SLC34A1: variants seen among roughly 807,000 people sequenced by gnomAD.
The protein encoded by SLC34A1 is sodium-dependent phosphate transport protein 2A.
A neutral mutation model predicts 51.4 loss-of-function variants in SLC34A1; 57 were observed. The ratio of observed to expected loss-of-function variants is 1.11; its 90% CI spans 0.90 to 1.38. SLC34A1 has a LOEUF of 1.38. Ranked by LOEUF, SLC34A1 falls within the 40% of genes most tolerant of loss-of-function variation. The probability of loss-of-function intolerance (pLI) is 0.00; values close to 1 mark genes in which losing one functional copy is unlikely to be tolerated. For missense variants in SLC34A1, 796 were observed against 835.6 expected (o/e 0.95, Z 0.58); for synonymous variants, 368 against 358.0 (o/e 1.03, Z -0.32).
intron 9 of SLC34A1, 27 bp downstream of exon 9, chr5:177,393,790 C>G: frequency 1.2e-6 from 2 of 1,611,832 alleles, no homozygotes; most frequent in Non-Finnish European, 1.7e-6. Context: ...TGGGAGGTGT[C>G]CTGCATGGCA....
At chr5:177,393,802 G>A in intron 9 of SLC34A1, 39 bp downstream of exon 9, 1 of 1,605,542 alleles carries the variant, frequency 6.2e-7, no homozygotes, top group Non-Finnish European at 8.5e-7. Context: ...TGCATGGCAG[G>A]GGCAGAGCCT....
At chr5:177,389,771 G>C (rs1273051903) in intron 8 of SLC34A1, 1 of 1,536,808 alleles carries the variant, frequency 6.5e-7, no homozygotes, top group Admixed American at 2.0e-5. Context: ...ATCTCAACCA[G>C]CAGCCTCCAC....
rs369749329 is a variant in SLC34A1 at position 177,397,010 on chromosome 5, C to T, written c.1352C>T (p.Thr451Ile). 63 of 1,614,022 alleles carry T rather than the reference C, an allele frequency of 3.9e-5. No homozygotes were observed. Among genetic ancestry groups the T allele is most frequent in the Non-Finnish European group, 4.7e-5 (55 of 1,180,036 alleles). ...YPLTLGSNIG[T>I]TTTAILAALA... Reference sequence around the variant, plus strand: ...CTCACACTGGGTTCCAACATCGGCACCACCACCACGGCCATCCTGGCTGCC... The same window carrying T: ...CTCACACTGGGTTCCAACATCGGCATCACCACCACGGCCATCCTGGCTGCC... The change falls in exon 12 of 13, where the codon ACC (threonine) becomes ATC (isoleucine). Residue 451 changes from threonine to isoleucine, a missense_variant. Transcript: ENST00000324417.
At chr5:177,385,363 A>T (rs1018004050) in intron 1 of SLC34A1, among the ~76,000 whole-genome samples, 1 of 152,194 alleles carries the variant, frequency 6.6e-6, no homozygotes, top group African/African-American at 2.4e-5. Context: ...CCTGGGCTAG[A>T]GCTCAATAAT....
At chr5:177,384,797 G>A (rs1053546852) in intron 1 of SLC34A1, among the ~76,000 whole-genome samples, 1 of 151,710 alleles carries the variant, frequency 6.6e-6, no homozygotes, top group African/African-American at 2.4e-5. Flanking sequence ...ACGAGGCAGA[G>A]GTTGCAGTGA....
rs1763045322 is a variant in SLC34A1, at chr5:177,398,513, C to T, written c.*227C>T. 7 of 623,316 alleles carry T rather than the reference C, an allele frequency of 1.1e-5. No homozygotes were observed. The allele number at this position is 623,316 out of a possible 1,614,324, so 38.6% of individuals were successfully genotyped here. A position where few individuals can be genotyped will look rare whatever the true frequency, so the allele number is the denominator to read the frequency against. ...ATGTGTAGAAGCTTGTATTTGTGTA[C>T]AGGTGTGCCAGCCCATGCAGGTGTA... On this transcript the variant is annotated 3_prime_UTR_variant, in exon 13 of 13. Coordinates refer to ENST00000324417, the MANE Select transcript of SLC34A1 (RefSeq NM_003052.5). The surrounding 1 kb of genome is among the most constrained non-coding windows in gnomAD (Gnocchi z 4.7).
chr5:177,393,165 TCTCA>T (rs1303614721), intron 8 of SLC34A1, among the ~76,000 whole-genome samples: 1 of 152,104 alleles, frequency 6.6e-6, no homozygotes, highest in African/African-American at 2.4e-5. Context: ...AGCCCCTTTG[TCTCA>T]CTGACAGTAG....
At position 177,396,713 on chromosome 5, in the gene SLC34A1, G is replaced by A. The variant is rs376005268; in HGVS notation, c.1175-20G>A. On this transcript the variant is annotated intron_variant, in intron 10 of 12. Transcript: ENST00000324417. This position sits in a 1 kb window ranked among gnomAD's most constrained non-coding sequence, Gnocchi z 4.0. ...GTCCCCGCTCTGACCCCAGCCTGCTGGGATGCGGTTTCCTTGCAGACTTCC... is the reference window on the plus strand; with the variant it reads ...GTCCCCGCTCTGACCCCAGCCTGCTAGGATGCGGTTTCCTTGCAGACTTCC... 12 of 1,610,036 alleles carry A rather than the reference G, an allele frequency of 7.5e-6. No homozygotes were observed. The South Asian group carries it at 1.2e-4, about 16-fold the overall frequency.
chr5:177,392,466 AAT>A, intron 8 of SLC34A1, among the ~76,000 whole-genome samples: 1 of 77,152 alleles, frequency 1.3e-5, no homozygotes, highest in African/African-American at 3.9e-5. Flanking sequence ...TCTGTCTCAA[AAT>A]AAATAAATAA....
At position 177,398,708 on chromosome 5, in the gene SLC34A1, G is replaced by T; in HGVS notation, c.*422G>T. 4.6e-6 allele frequency: 1 copy of T among 217,006 alleles called. No individual in the cohort carries two copies. The highest frequency in any genetic ancestry group is 1.2e-4 in the East Asian group (1 of 8,100). The allele number at this position is 217,006 out of a possible 1,614,324, so 13.4% of individuals were successfully genotyped here. On this transcript the variant is annotated 3_prime_UTR_variant, in exon 13 of 13. Coordinates refer to ENST00000324417, the MANE Select transcript of SLC34A1 (RefSeq NM_003052.5). This position sits in a 1 kb window ranked among gnomAD's most constrained non-coding sequence, Gnocchi z 4.7. ...TGTTGGTGCCTGCGTTACTGAATTTGCACACCTCCTTGCCACCTTCCTTCC... is the reference window on the plus strand; with the variant it reads ...TGTTGGTGCCTGCGTTACTGAATTTTCACACCTCCTTGCCACCTTCCTTCC...
chr5:177,394,182 G>A lies in SLC34A1; in HGVS notation c.1161G>A (p.Lys387=). The change falls in exon 10 of 13, where the codon AAG becomes AAA. Residue 387 remains lysine, a synonymous_variant. Transcript: ENST00000324417. ...LKGQVAKVIQ[K]VINTDFPAPF... Reference sequence around the variant, plus strand: ...GCCAAGTGGCCAAGGTCATCCAGAAGGTCATCAATACGGGTGAGCTGCGAG... The same window carrying A: ...GCCAAGTGGCCAAGGTCATCCAGAAAGTCATCAATACGGGTGAGCTGCGAG... 2 of 1,614,010 alleles carry A rather than the reference G, an allele frequency of 1.2e-6. No homozygotes were observed.
At chr5:177,397,193 T>A in intron 12 of SLC34A1, 119 bp downstream of exon 12, 1 of 1,345,078 alleles carries the variant, frequency 7.4e-7, no homozygotes, top group Non-Finnish European at 1.0e-6. Flanking sequence ...GGCCACCTAA[T>A]ATGCTCAATG....
chr5:177,386,648 C>T lies in SLC34A1; in HGVS notation c.532+82C>T. On this transcript the variant is annotated intron_variant, in intron 5 of 12. Coordinates refer to ENST00000324417, the MANE Select transcript of SLC34A1 (RefSeq NM_003052.5). The surrounding 1 kb of genome is among the most constrained non-coding windows in gnomAD (Gnocchi z 4.8). ...AGGGTGGCAAATGGGGAGCGTGACCCCAGTAAGGCTGGCCTCCATTCAGCT... is the reference window on the plus strand; with the variant it reads ...AGGGTGGCAAATGGGGAGCGTGACCTCAGTAAGGCTGGCCTCCATTCAGCT... 7.1e-6 allele frequency: 11 copies of T among 1,539,438 alleles called. No homozygotes were observed. The highest frequency in any genetic ancestry group is 9.8e-6 in the Non-Finnish European group (11 of 1,121,598).
At chr5:177,392,363 G>A (rs1285190797) in intron 8 of SLC34A1, among the ~76,000 whole-genome samples, 1 of 152,126 alleles carries the variant, frequency 6.6e-6, no homozygotes, top group Non-Finnish European at 1.5e-5. Context: ...CTCGGGAGGT[G>A]GAAGCGGGAG....
intron 12 of SLC34A1, 115 bp downstream of exon 12, chr5:177,397,189 C>G (rs1463705498): frequency 7.4e-7 from 1 of 1,360,138 alleles, no homozygotes; most frequent in Non-Finnish European, 1.0e-6. Flanking sequence ...TAAGGGCCAC[C>G]TAATATGCTC....
At position 177,396,567 on chromosome 5, in the gene SLC34A1, CCT is replaced by C. The variant is rs1423284172; in HGVS notation, c.1175-160_1175-159del. Among the ~76,000 whole-genome samples the C allele has an allele frequency of 9.7e-6, 1 of 103,000 alleles. No individual in the cohort carries two copies. Among genetic ancestry groups the C allele is most frequent in the Non-Finnish European group, 2.3e-5 (1 of 43,764 alleles). The allele number at this position is 103,000 out of a possible 152,430, so 67.6% of individuals were successfully genotyped here. A position where few individuals can be genotyped will look rare whatever the true frequency, so the allele number is the denominator to read the frequency against. On this transcript the variant is annotated intron_variant, in intron 10 of 12. Transcript: ENST00000324417. The surrounding 1 kb of genome is among the most constrained non-coding windows in gnomAD (Gnocchi z 4.0). ...GCTCTCCCAGTGCCCCCGCGGAGGT[CCT>C]CTCTCCCAGTGCCCCCGCGGAGGTC...
intron 12 of SLC34A1, 170 bp downstream of exon 12, chr5:177,397,244 A>T: frequency 2.7e-6 from 2 of 734,070 alleles, no homozygotes; most frequent in Non-Finnish European, 4.4e-6. Context: ...CACCCTCGAG[A>T]CCTTAGCATC....
intron 12 of SLC34A1, chr5:177,397,531 G>A (rs538404956): frequency 3.2e-5 from 19 of 587,086 alleles, no homozygotes; most frequent in Middle Eastern, 9.2e-4. Flanking sequence ...ATTCCTGTGC[G>A]AGGGGTCAGT....
At position 177,386,098 on chromosome 5, in the gene SLC34A1, T is replaced by A. The variant is rs754026824; in HGVS notation, c.221T>A (p.Leu74Gln). 6.2e-7 allele frequency: 1 copy of A among 1,613,330 alleles called. No homozygotes were observed. The highest frequency in any genetic ancestry group is 1.7e-5 in the Admixed American group (1 of 60,002). The change falls in exon 3 of 13, where the codon CTG becomes CAG. Residue 74 changes from leucine (L) to glutamine (Q), a missense_variant. Transcript: ENST00000324417. This position sits in a 1 kb window ranked among gnomAD's most constrained non-coding sequence, Gnocchi z 4.8. ...GAGGTCCTGGAGCGCCATGAACCACTGCCTGCCAAGCTGGCCCTGGAGGAG... is the reference window on the plus strand; with the variant it reads ...GAGGTCCTGGAGCGCCATGAACCACAGCCTGCCAAGCTGGCCCTGGAGGAG... Reference protein sequence around the residue: ...CGEVLERHEPLPAKLALEEEQ... With the variant: ...CGEVLERHEPQPAKLALEEEQ...
Sources: gnomAD v4.1 joint callset for allele counts (sites outside exome capture counted in the v4.1 genomes callset) on GRCh38, gnomAD v4.1.1 for gene constraint, Gnocchi (gnomAD v3.1) non-coding constraint, MANE v1.5 for transcripts, NCBI Gene and HGNC (gene_info 2026-07-23, HGNC 2026-07-21) for gene names.